Variants in CCSER2 observed in about 807,000 individuals in gnomAD.
CCSER2 encodes coiled-coil serine rich protein 2.
CCSER2 carries 46 observed loss-of-function variants against 92.3 expected under a neutral mutation model. The observed-to-expected ratio is 0.50, with a 90% CI of 0.39 to 0.64. The LOEUF (loss-of-function observed/expected upper bound fraction) is 0.64, where lower values mean the gene tolerates loss of function less well. Among genes scored for constraint, CCSER2 ranks in the 30% least tolerant of loss-of-function variants. The pLI is 0.00. For synonymous variants in CCSER2, 433 were observed against 431.4 expected, an observed-to-expected ratio of 1.00 and a Z score of -0.04; for missense variants, 1,244 against 1,238.9, an observed-to-expected ratio of 1.00 and a Z score of -0.06.
In CCSER2 at chr10:84,438,555, T is replaced by G; in HGVS notation, c.1912T>G (p.Tyr638Asp). ...ATCTCCTTTGGGTCATTTTGAAAGC[T>G]ATGGAGGGATGCCCTTTTTCCAGGC... is the stretch of plus-strand genomic sequence containing the variant. ...RESPLGHFESYGGMPFFQAQK... is the reference protein window; with the variant it reads ...RESPLGHFESDGGMPFFQAQK... Residue 638 changes from tyrosine to aspartate, a missense_variant, in exon 6 of 10, where the codon TAT (tyrosine) becomes GAT (aspartate). Physicochemically the swap from Tyr to Asp is radical, Grantham distance 160. Coordinates refer to ENST00000372088, the MANE Select transcript of CCSER2 (RefSeq NM_001284240.2). The G allele has an allele frequency of 1.2e-6, 2 of 1,613,658 alleles. No individual in the cohort carries two copies. The highest frequency in any genetic ancestry group is 1.7e-6 in the Non-Finnish European group (2 of 1,179,678).
Position 84,362,993 on chromosome 10 carries a change from C to A in CCSER2, c.-39-8021C>A, listed in dbSNP as rs1040364022. ...CTAGAATTACAGGTGCCTGCCACCA[C>A]GCCCAGCTAATTTTTTTTTTTTTTT... is the stretch of plus-strand genomic sequence containing the variant. On this transcript the variant is annotated intron_variant, in intron 1 of 9. Transcript: ENST00000372088. Among the ~76,000 whole-genome samples, 3 of 149,064 alleles carry A rather than the reference C, an allele frequency of 2.0e-5. No individual in the cohort carries two copies. In the South Asian group the frequency reaches 6.4e-4, roughly 32 times the overall value.
At chr10:84,396,728 G>A (rs1589543277) in intron 3 of CCSER2, among the ~76,000 whole-genome samples, 1 of 152,022 alleles carries the variant, frequency 6.6e-6, no homozygotes, top group African/African-American at 2.4e-5. Context: ...GTAGAGATGG[G>A]GTTTCACCAT....
chr10:84,411,112 C>T (rs761763790), intron 3 of CCSER2, among the ~76,000 whole-genome samples: 4 of 152,206 alleles, frequency 2.6e-5, no homozygotes, highest in East Asian at 1.9e-4. Flanking sequence ...TATTCTGCTC[C>T]GTTGGTCTAT....
At chr10:84,417,726 C>A in intron 3 of CCSER2, 45 bp from the exon 4 acceptor site, 1 of 907,556 alleles carries the variant, frequency 1.1e-6, no homozygotes, top group Non-Finnish European at 1.9e-6. Context: ...TTGACATATC[C>A]TTAGAGCTAG....
chr10:84,379,455 T>G (rs1840774509), intron 3 of CCSER2, among the ~76,000 whole-genome samples: 1 of 152,154 alleles, frequency 6.6e-6, no homozygotes, highest in African/African-American at 2.4e-5. Flanking sequence ...TTAATTTGTT[T>G]TTTCTTTTCC....
intron 9 of CCSER2, among the ~76,000 whole-genome samples, chr10:84,483,393 CAAAA>C (rs768732138): frequency 2.7e-5 from 2 of 74,408 alleles, no homozygotes; most frequent in Non-Finnish European, 2.7e-5. Context: ...AACTCTGTCT[CAAAA>C]AAAAAAAAAA....
At chr10:84,404,204 AG>A (rs1035258272) in intron 3 of CCSER2, among the ~76,000 whole-genome samples, 3 of 152,176 alleles carry the variant, frequency 2.0e-5, no homozygotes, top group African/African-American at 7.2e-5. Context: ...CAGGATACAC[AG>A]GGGGCTCCAT....
chr10:84,330,885 A>T (rs560481492), intron 1 of CCSER2, among the ~76,000 whole-genome samples: 32 of 152,232 alleles, frequency 2.1e-4, no homozygotes, highest in Non-Finnish European at 4.3e-4. Context: ...CATTGGTCCT[A>T]CAACTTTATT....
rs1843354776 is a variant in CCSER2 at position 84,425,030 on chromosome 10, G to A, written c.1706-701G>A. 9 of 980,944 alleles carry A rather than the reference G, an allele frequency of 9.2e-6. No individual in the cohort carries two copies. In the South Asian group the frequency reaches 3.3e-4, roughly 36 times the overall value. 60.8% of individuals were successfully genotyped at this position (980,944 alleles called of 1,614,324 possible). On this transcript the variant is annotated intron_variant, in intron 4 of 9. Coordinates refer to ENST00000372088, the MANE Select transcript of CCSER2 (RefSeq NM_001284240.2). ...ACTCTCTTAGTGAGTGCTCAGATAT[G>A]TGAGGAAAAAGTATTTGGGTAAGTG...
At chr10:84,449,926 A>G (rs139752795) in intron 6 of CCSER2, among the ~76,000 whole-genome samples, 120 of 152,350 alleles carry the variant, frequency 7.9e-4, no homozygotes, top group African/African-American at 2.8e-3. Flanking sequence ...TGCTAAGCAT[A>G]CTATGCTGAT....
intron 1 of CCSER2, among the ~76,000 whole-genome samples, chr10:84,330,150 A>G (rs1843480365): frequency 1.3e-5 from 2 of 152,226 alleles, no homozygotes; most frequent in African/African-American, 2.4e-5. Flanking sequence ...CTTTGAATCC[A>G]TATTTACAAG....
chr10:84,391,974 A>G (rs1841543886), intron 3 of CCSER2: 1 of 1,340,206 alleles, frequency 7.5e-7, no homozygotes, highest in South Asian at 1.2e-5. Flanking sequence ...AGTAGGCGAT[A>G]AAAATTGGAG....
intron 9 of CCSER2, among the ~76,000 whole-genome samples, chr10:84,495,067 A>T (rs540790711): frequency 1.3e-5 from 2 of 149,918 alleles, no homozygotes; most frequent in Admixed American, 6.6e-5. Flanking sequence ...TTATTGATGG[A>T]ATTTTTTTCT....
At chr10:84,461,417 A>T (rs999809578) in intron 6 of CCSER2, among the ~76,000 whole-genome samples, 5 of 152,072 alleles carry the variant, frequency 3.3e-5, no homozygotes, top group Non-Finnish European at 7.4e-5. Context: ...TGTGACTTCA[A>T]TGACAGGAGT....
chr10:84,500,347 C>G (rs1848659699), intron 9 of CCSER2, among the ~76,000 whole-genome samples: 1 of 152,128 alleles, frequency 6.6e-6, no homozygotes, highest in Non-Finnish European at 1.5e-5. Context: ...TGGACAGATG[C>G]ATAATGTGTG....
Position 84,411,989 on chromosome 10 carries a change from G to A in CCSER2, c.1615-5782G>A, listed in dbSNP as rs1842674486. 1.3e-5 allele frequency among the ~76,000 whole-genome samples: 2 copies of A among 152,068 alleles called. 1 individual carries two copies. Among genetic ancestry groups the A allele is most frequent in the South Asian group, 4.1e-4 (2 of 4,830 alleles). Reference sequence around the variant, plus strand: ...TTATTTTGAGGTATGTTCCTTCACTGCCTAGTTTATTGAGTGTTTTTAACA... The same window carrying A: ...TTATTTTGAGGTATGTTCCTTCACTACCTAGTTTATTGAGTGTTTTTAACA... On this transcript the variant is annotated intron_variant, in intron 3 of 9. Coordinates refer to ENST00000372088, the MANE Select transcript of CCSER2 (RefSeq NM_001284240.2).
chr10:84,373,866 A>C lies in CCSER2; in HGVS notation c.1614+51A>C, dbSNP rs765071490. 4.4e-6 allele frequency: 7 copies of C among 1,609,064 alleles called. No homozygotes were observed. In the South Asian group the frequency reaches 7.7e-5, roughly 18 times the overall value. The stretch of plus-strand genomic sequence containing the variant: ...GAATATTTTGTTTACCCTACTATAG[A>C]GAGACTTGTGATATGATTGATTTTG... On this transcript the variant is annotated intron_variant, in intron 3 of 9. Coordinates refer to ENST00000372088, the MANE Select transcript of CCSER2 (RefSeq NM_001284240.2).
chr10:84,428,468 C>T (rs1258068889), intron 5 of CCSER2, among the ~76,000 whole-genome samples: 1 of 152,154 alleles, frequency 6.6e-6, no homozygotes, highest in Non-Finnish European at 1.5e-5. Context: ...TGGCCTGGCT[C>T]CTAACAGACC....
intron 6 of CCSER2, among the ~76,000 whole-genome samples, chr10:84,452,677 T>G (rs1327336678): frequency 6.6e-6 from 1 of 152,234 alleles, no homozygotes; most frequent in African/African-American, 2.4e-5. Flanking sequence ...TTATTAAATA[T>G]GTTTATGCAA....
Sources: gnomAD v4.1 joint callset for allele counts (sites outside exome capture counted in the v4.1 genomes callset) on GRCh38, gnomAD v4.1.1 for gene constraint, MANE v1.5 for transcripts, NCBI Gene and HGNC (gene_info 2026-07-23, HGNC 2026-07-21) for gene names.